Variants in PSIP1 observed in about 807,000 individuals in gnomAD.
The protein encoded by PSIP1 is PC4 and SRSF1 interacting protein 1.
Under a neutral mutation model 74.7 loss-of-function variants are expected in PSIP1, and 19 were observed. The observed-to-expected ratio is 0.25, with a 90% CI of 0.18 to 0.37. PSIP1 has a LOEUF of 0.37. Ranked by LOEUF, PSIP1 falls within the 10% of genes least tolerant of loss-of-function variation. The pLI, the probability that PSIP1 is intolerant of heterozygous loss-of-function variation, is 1.00. For missense variants in PSIP1, 601 were observed against 614.3 expected, an observed-to-expected ratio of 0.98 and a Z score of 0.23; for synonymous variants, 222 against 195.3, an observed-to-expected ratio of 1.14 and a Z score of -1.14.
chr9:15,472,561 A>C, intron 10 of PSIP1, 71 bp downstream of exon 10: 4 of 1,521,072 alleles, frequency 2.6e-6, no homozygotes, highest in Middle Eastern at 1.8e-4. Context: ...GGAAAATGAA[A>C]GTCTATTATT....
intron 15 of PSIP1, 63 bp from the exon 16 acceptor site, chr9:15,465,643 A>T (rs2035573693): frequency 7.5e-7 from 1 of 1,324,802 alleles, no homozygotes; most frequent in Non-Finnish European, 1.1e-6. Context: ...GGAAAAAAAG[A>T]CATTAAGTCT....
intron 3 of PSIP1, chr9:15,504,838 C>G (rs1050562696): frequency 6.6e-6 from 1 of 152,002 alleles, no homozygotes; most frequent in Non-Finnish European, 1.5e-5. Context: ...TGTCCACTCA[C>G]ATTACTACAG....
At chr9:15,504,922 A>C (rs2037515255) in intron 3 of PSIP1, 1 of 150,812 alleles carries the variant, frequency 6.6e-6, no homozygotes, top group Non-Finnish European at 1.5e-5. Flanking sequence ...CCACACTCAC[A>C]GCTTTATTCA....
At chr9:15,470,374 A>T (rs547722704) in intron 10 of PSIP1, among the ~76,000 whole-genome samples, 1 of 152,246 alleles carries the variant, frequency 6.6e-6, no homozygotes, top group Admixed American at 6.5e-5. Flanking sequence ...GCATGTAACA[A>T]GCAGATTAAT....
intron 6 of PSIP1, among the ~76,000 whole-genome samples, chr9:15,481,417 G>C (rs1457182559): frequency 6.6e-6 from 1 of 152,244 alleles, no homozygotes; most frequent in Non-Finnish European, 1.5e-5. Context: ...GTAGGGTTGG[G>C]TGCAGTGGCC....
chr9:15,506,605 T>C lies in PSIP1; in HGVS notation c.105A>G (p.Pro35=). The C allele has an allele frequency of 8.1e-6, 13 of 1,613,064 alleles. No homozygotes were observed. The highest frequency in any genetic ancestry group is 1.1e-5 in the Non-Finnish European group (13 of 1,179,226). The change falls in exon 3 of 16, where the codon CCA becomes CCG. Residue 35 remains proline (P), a synonymous_variant. Transcript: ENST00000380733. ...AGAAAATGGGTAGTTTGTTTGTGGG[T>C]GGCTTTACAGCTCCATCAGGAACTT... ...VDEVPDGAVK[P]PTNKLPIFFF... is the part of the protein sequence containing the mutation.
chr9:15,469,188 C>G (rs1018226523), intron 12 of PSIP1, 78 bp downstream of exon 12: 2 of 1,313,834 alleles, frequency 1.5e-6, no homozygotes, highest in South Asian at 1.3e-5. Context: ...AATTTACATA[C>G]TCATAAGATC....
intron 3 of PSIP1, 200 bp downstream of exon 3, chr9:15,506,361 G>A: frequency 4.8e-6 from 2 of 416,468 alleles, no homozygotes; most frequent in East Asian, 3.5e-5. Context: ...TTTTGGTTAA[G>A]GAAATATCAA....
At chr9:15,502,316 CTT>C (rs1394138761) in intron 3 of PSIP1, among the ~76,000 whole-genome samples, 1 of 152,200 alleles carries the variant, frequency 6.6e-6, no homozygotes, top group Non-Finnish European at 1.5e-5. Flanking sequence ...ACATAACCAT[CTT>C]TTTCCCCCAA....
intron 14 of PSIP1, chr9:15,468,290 GAGA>G (rs936585393): frequency 3.3e-5 from 18 of 552,492 alleles, no homozygotes; most frequent in African/African-American, 3.2e-4. Context: ...CTTTTTAGGT[GAGA>G]AGAAAACAGA....
intron 2 of PSIP1, among the ~76,000 whole-genome samples, chr9:15,507,645 A>C (rs1197536885): frequency 6.6e-6 from 1 of 151,716 alleles, no homozygotes; most frequent in Non-Finnish European, 1.5e-5. Context: ...CTTTAAAAAA[A>C]ACAAAAAAAA....
chr9:15,476,620 A>C (rs931580827), intron 8 of PSIP1, among the ~76,000 whole-genome samples: 5 of 152,226 alleles, frequency 3.3e-5, no homozygotes, highest in African/African-American at 1.2e-4. Flanking sequence ...TTAATCCTTC[A>C]GATGGACAAA....
intron 6 of PSIP1, 140 bp downstream of exon 6, chr9:15,485,866 A>C: frequency 1.5e-6 from 1 of 674,996 alleles, no homozygotes; most frequent in Non-Finnish European, 2.4e-6. Context: ...AGTTTTGCCA[A>C]GTAAAACATA....
chr9:15,496,881 C>A (rs2037098959), intron 3 of PSIP1, among the ~76,000 whole-genome samples: 1 of 151,992 alleles, frequency 6.6e-6, no homozygotes, highest in Non-Finnish European at 1.5e-5. Context: ...AATATACTAC[C>A]GTCACTCCCA....
chr9:15,479,666 C>T lies in PSIP1; in HGVS notation c.478G>A (p.Glu160Lys). Residue 160 changes from glutamate to lysine, a missense_variant, in exon 7 of 16, where the codon GAG becomes AAG. Glu to Lys is a moderately conservative substitution (Grantham distance 56). This residue lies in a region of PSIP1 where 538 missense variants were observed against 507.6 expected (regional missense o/e 1.06). Coordinates refer to ENST00000380733, the MANE Select transcript of PSIP1 (RefSeq NM_033222.5). ...GCTGTTGTCACTACTCCTGCCTCCT[C>T]AGTTTCTACTTGTTTTTCTGCCTGA... ...KRKAEKQVET[E>K]EAGVVTTATA... The T allele has an allele frequency of 3.1e-6, 5 of 1,612,942 alleles. No individual in the cohort carries two copies. The highest frequency in any genetic ancestry group is 4.2e-6 in the Non-Finnish European group (5 of 1,179,560).
At chr9:15,469,158 T>C in intron 12 of PSIP1, 100 bp from the exon 13 acceptor site, 1 of 1,343,790 alleles carries the variant, frequency 7.4e-7, no homozygotes, top group Non-Finnish European at 1.0e-6. Flanking sequence ...TAGTGCAAAA[T>C]GACCAGTAAT....
intron 15 of PSIP1, chr9:15,465,786 C>G: frequency 4.0e-6 from 2 of 496,242 alleles, no homozygotes; most frequent in South Asian, 3.5e-5. Context: ...ATCTTCTTCC[C>G]AAAGTAATAT....
chr9:15,495,405 G>A (rs1181573780), intron 3 of PSIP1, among the ~76,000 whole-genome samples: 1 of 152,090 alleles, frequency 6.6e-6, no homozygotes, highest in Non-Finnish European at 1.5e-5. Context: ...AGTTACGATT[G>A]TTCTGTGACC....
Position 15,510,231 on chromosome 9 carries a change from G to T in PSIP1, c.-43C>A, listed in dbSNP as rs764380448. 3.2e-6 allele frequency: 5 copies of T among 1,574,718 alleles called. No individual in the cohort carries two copies. Among genetic ancestry groups the T allele is most frequent in the South Asian group, 1.1e-5 (1 of 87,950 alleles). Reference sequence around the variant, plus strand: ...GGGGGTCCGAAGCCCGGGAGGCGGCGAGGAGATGCGGCGGCGCGGGGATGC... The same window carrying T: ...GGGGGTCCGAAGCCCGGGAGGCGGCTAGGAGATGCGGCGGCGCGGGGATGC... On this transcript the variant is annotated 5_prime_UTR_variant, in exon 2 of 16. Coordinates refer to ENST00000380733, the MANE Select transcript of PSIP1 (RefSeq NM_033222.5).
Sources: allele counts gnomAD v4.1 joint callset (sites outside exome capture counted in the v4.1 genomes callset), GRCh38; gene constraint gnomAD v4.1.1; regional missense constraint gnomAD v4.1.1; transcripts MANE v1.5; gene names NCBI Gene and HGNC (gene_info 2026-07-23, HGNC 2026-07-21).